The following ERAP1 variants were observed in gnomAD, a reference collection of about 807,000 sequenced individuals.
ERAP1 encodes adipocyte-derived leucine aminopeptidase.
ERAP1 carries 86 observed loss-of-function variants against 103.7 expected under a neutral mutation model. The observed-to-expected ratio is 0.83, with a 90% CI of 0.70 to 0.99. The LOEUF (loss-of-function observed/expected upper bound fraction) is 0.99, where lower values mean the gene tolerates loss of function less well. ERAP1 is among the 50% of genes least tolerant of loss of function. ERAP1 has a pLI of 0.00. For synonymous variants in ERAP1, 398 were observed against 402.4 expected (o/e 0.99, Z 0.13); for missense variants, 1,009 against 1,128.4 (o/e 0.89, Z 1.52).
At chr5:96,787,427 G>A (rs1389110667) in intron 11 of ERAP1, among the ~76,000 whole-genome samples, 7 of 151,918 alleles carry the variant, frequency 4.6e-5, no homozygotes, top group Non-Finnish European at 8.8e-5. Flanking sequence ...CACCATGCCC[G>A]GCTAATTTTT....
the ERAP1 span, chr5:96,880,068 C>A: frequency 6.8e-6 from 11 of 1,614,002 alleles, no homozygotes; most frequent in African/African-American, 1.3e-4. Flanking sequence ...GAGGAAGATT[C>A]AAGATACATG....
chr5:96,914,803 G>A, the ERAP1 span, among the ~76,000 whole-genome samples: 16 of 152,148 alleles, frequency 1.1e-4, 1 homozygote, highest in Non-Finnish European at 1.5e-4. Context: ...TTTAAACACA[G>A]TGGTATCCAA....
chr5:96,885,543 CAT>C, the ERAP1 span, among the ~76,000 whole-genome samples: 1 of 152,166 alleles, frequency 6.6e-6, no homozygotes, highest in Admixed American at 6.5e-5. Context: ...GTAGCAAAAA[CAT>C]TTGCCATCAA....
chr5:96,922,260 T>C, the ERAP1 span, among the ~76,000 whole-genome samples: 2 of 152,168 alleles, frequency 1.3e-5, no homozygotes, highest in African/African-American at 4.8e-5. Flanking sequence ...ATCAGGCCAC[T>C]GCACTCCGGC....
chr5:96,934,197 C>T, the ERAP1 span: 1 of 152,184 alleles, frequency 6.6e-6, no homozygotes, highest in East Asian at 1.9e-4. Context: ...AGAAGGGAGA[C>T]TGATAATAAG....
chr5:96,823,197 C>A, the ERAP1 span: 2 of 449,830 alleles, frequency 4.4e-6, no homozygotes, highest in Admixed American at 4.8e-5. Context: ...GTCATATAAT[C>A]ATACACATCC....
At chr5:96,856,914 C>T in the ERAP1 span, among the ~76,000 whole-genome samples, 1 of 152,176 alleles carries the variant, frequency 6.6e-6, no homozygotes, top group South Asian at 2.1e-4. Flanking sequence ...CCACTTATCC[C>T]CTTCTTCTCT....
chr5:96,874,313 T>C, the ERAP1 span, among the ~76,000 whole-genome samples: 2 of 152,242 alleles, frequency 1.3e-5, no homozygotes, highest in African/African-American at 4.8e-5. Flanking sequence ...TTCCATAGCC[T>C]GTTTCTTCAT....
chr5:96,796,707 C>T (rs904017848), intron 4 of ERAP1, among the ~76,000 whole-genome samples: 1 of 152,172 alleles, frequency 6.6e-6, no homozygotes, highest in Non-Finnish European at 1.5e-5. Flanking sequence ...AATGAGCATC[C>T]GTGACAACAG....
intron 18 of ERAP1, chr5:96,776,752 TGCA>T (rs1485503351): frequency 2.1e-5 from 14 of 677,546 alleles, no homozygotes; most frequent in Admixed American, 3.2e-5. Context: ...GTTTTTTGTC[TGCA>T]GTTCTTTTGT....
At chr5:96,851,748 A>G in the ERAP1 span, among the ~76,000 whole-genome samples, 1 of 152,312 alleles carries the variant, frequency 6.6e-6, no homozygotes, top group South Asian at 2.1e-4. Context: ...TCCTATGTTG[A>G]AGTAAGAGAT....
chr5:96,823,262 G>T, the ERAP1 span: 1 of 396,718 alleles, frequency 2.5e-6, no homozygotes, highest in Non-Finnish European at 5.1e-6. Context: ...GCCACCTGCA[G>T]TCAAGAGGAG....
the ERAP1 span, among the ~76,000 whole-genome samples, chr5:96,845,908 T>C: frequency 6.6e-6 from 1 of 152,190 alleles, no homozygotes; most frequent in African/African-American, 2.4e-5. Context: ...GATTTTTTTT[T>C]GAAGATCATA....
At chr5:96,827,809 A>G in the ERAP1 span, among the ~76,000 whole-genome samples, 2 of 152,316 alleles carry the variant, frequency 1.3e-5, no homozygotes, top group Admixed American at 6.5e-5. Flanking sequence ...CACCCTGAAT[A>G]AAATTTAAGT....
the ERAP1 span, among the ~76,000 whole-genome samples, chr5:96,816,473 C>A: frequency 6.6e-6 from 1 of 152,140 alleles, no homozygotes; most frequent in Non-Finnish European, 1.5e-5. Context: ...AGAACTTGCC[C>A]TTATGCCAGG....
the ERAP1 span, chr5:96,881,416 G>T: frequency 2.2e-6 from 1 of 456,126 alleles, no homozygotes; most frequent in Admixed American, 2.3e-5. Flanking sequence ...GAGGGAAATA[G>T]AAGAATCAAG....
the ERAP1 span, among the ~76,000 whole-genome samples, chr5:96,843,649 C>G: frequency 1.1e-4 from 17 of 152,264 alleles, no homozygotes; most frequent in East Asian, 2.1e-3. Flanking sequence ...GTTTCCCTGC[C>G]TCATTAACAT....
In ERAP1 at chr5:96,776,050, A is replaced by C; in HGVS notation, c.*346T>G. On this transcript the variant is annotated 3_prime_UTR_variant, in exon 19 of 19. Transcript: ENST00000443439. Reference sequence around the variant, plus strand: ...TATTCAGAGTCTTTCGAGGAGACTGATGAAACAGTTTATGAATGATAAACA... The same window carrying C: ...TATTCAGAGTCTTTCGAGGAGACTGCTGAAACAGTTTATGAATGATAAACA... The C allele has an allele frequency of 8.3e-7, 1 of 1,200,502 alleles. No individual in the cohort carries two copies. Among genetic ancestry groups the C allele is most frequent in the South Asian group, 1.7e-5 (1 of 60,560 alleles). The allele number at this position is 1,200,502 out of a possible 1,614,324, so 74.4% of individuals were successfully genotyped here.
At chr5:96,781,385 G>C (rs954773633) in intron 16 of ERAP1, among the ~76,000 whole-genome samples, 187 bp from the exon 17 acceptor site, 6 of 152,008 alleles carry the variant, frequency 3.9e-5, no homozygotes, top group African/African-American at 1.4e-4. Context: ...TTTATATAGT[G>C]TTCATAACAC....
Sources: gnomAD v4.1 joint callset for allele counts (sites outside exome capture counted in the v4.1 genomes callset) on GRCh38, gnomAD v4.1.1 for gene constraint, MANE v1.5 for transcripts, NCBI Gene and HGNC (gene_info 2026-07-23, HGNC 2026-07-21) for gene names.